Variants in MANEA observed in about 807,000 individuals in gnomAD.
MANEA encodes the protein mannosidase endo-alpha.
In MANEA, 25 loss-of-function variants were observed where a neutral mutation model predicts 36.8. The ratio of observed to expected loss-of-function variants is 0.68; its 90% CI spans 0.50 to 0.95. The LOEUF (loss-of-function observed/expected upper bound fraction) is 0.95. Ranked by LOEUF, MANEA falls within the 40% of genes least tolerant of loss-of-function variation. The pLI is 0.00. For missense variants in MANEA, 565 were observed against 558.8 expected (o/e 1.01, Z -0.11); for synonymous variants, 198 against 188.5 (o/e 1.05, Z -0.41).
At position 95,586,752 on chromosome 6, in the gene MANEA, G is replaced by A; in HGVS notation, c.313G>A (p.Val105Ile). 1 of 1,613,528 alleles carries A rather than the reference G, an allele frequency of 6.2e-7. No homozygotes were observed. Among genetic ancestry groups the A allele is most frequent in the Non-Finnish European group, 8.5e-7 (1 of 1,179,524 alleles). The part of the protein sequence containing the change: ...ELPPLNNYLH[V>I]FYYSWYGNPQ... ...ACCACCTCTGAACAATTATCTACAT[G>A]TATTTTATTACAGTTGGTATGGAAA... The change falls in exon 2 of 5, where the codon GTA becomes ATA. Residue 105 changes from valine (V) to isoleucine (I), a missense_variant. Physicochemically the swap from Val to Ile is conservative, Grantham distance 29. Coordinates refer to ENST00000358812, the MANE Select transcript of MANEA (RefSeq NM_024641.4).
chr6:95,587,252 A>G, intron 2 of MANEA: 2 of 393,258 alleles, frequency 5.1e-6, no homozygotes, highest in Non-Finnish European at 9.3e-6. Context: ...CAATTTTATT[A>G]AATTATGATT....
chr6:95,606,338 A>G lies in MANEA; in HGVS notation c.1322A>G (p.Lys441Arg). The change falls in exon 5 of 5, where the codon AAG becomes AGG. Residue 441 changes from lysine to arginine, a missense_variant. Physicochemically the swap from Lys to Arg is conservative, Grantham distance 26. Transcript: ENST00000358812. Reference sequence around the variant, plus strand: ...GGTCTTTACCTAGAACTGACTCGCAAGTGGTCTGAAAAATACAGTAAGGAA... The same window carrying G: ...GGTCTTTACCTAGAACTGACTCGCAGGTGGTCTGAAAAATACAGTAAGGAA... ...KPGLYLELTR[K>R]WSEKYSKERA... The G allele has an allele frequency of 6.2e-7, 1 of 1,608,724 alleles. No homozygotes were observed.
intron 1 of MANEA, among the ~76,000 whole-genome samples, chr6:95,585,460 C>A (rs1199481549): frequency 1.3e-5 from 2 of 152,140 alleles, no homozygotes; most frequent in Non-Finnish European, 2.9e-5. Flanking sequence ...TACAGGCACA[C>A]ACCACCATGC....
rs1769768387 is a variant in MANEA, at chr6:95,608,910, T to A, written c.*2505T>A. 6.6e-6 allele frequency: 1 copy of A among 151,870 alleles called. No individual in the cohort carries two copies. The highest frequency in any genetic ancestry group is 1.5e-5 in the Non-Finnish European group (1 of 67,790). The allele number at this position is 151,870 out of a possible 1,614,324, so 9.4% of individuals were successfully genotyped here. On this transcript the variant is annotated 3_prime_UTR_variant, in exon 5 of 5. Coordinates refer to ENST00000358812, the MANE Select transcript of MANEA (RefSeq NM_024641.4). ...TAATTACATGAAAAAAAAGAGTCTG[T>A]ACATCTTCAGAGTTTCAGTCGGCAA...
chr6:95,597,280 G>C (rs913412232), intron 3 of MANEA, among the ~76,000 whole-genome samples: 4 of 151,956 alleles, frequency 2.6e-5, no homozygotes, highest in Non-Finnish European at 5.9e-5. Context: ...ATACACACCT[G>C]AGTAAATATA....
chr6:95,582,530 T>C (rs1335245711), intron 1 of MANEA, among the ~76,000 whole-genome samples: 1 of 152,172 alleles, frequency 6.6e-6, no homozygotes, highest in Non-Finnish European at 1.5e-5. Context: ...AGCTCACATG[T>C]AGAAATTTCA....
chr6:95,589,254 T>C (rs1298256454), intron 2 of MANEA, among the ~76,000 whole-genome samples: 1 of 152,164 alleles, frequency 6.6e-6, no homozygotes, highest in Non-Finnish European at 1.5e-5. Context: ...GCTGGCATGC[T>C]GACTCAGGCA....
At chr6:95,599,587 A>C (rs1417497269) in intron 3 of MANEA, among the ~76,000 whole-genome samples, 2 of 152,202 alleles carry the variant, frequency 1.3e-5, no homozygotes, top group Non-Finnish European at 2.9e-5. Flanking sequence ...CCTGTAAGAT[A>C]TGTTATGGAC....
chr6:95,590,937 T>C (rs1431038832), intron 2 of MANEA, among the ~76,000 whole-genome samples: 2 of 152,208 alleles, frequency 1.3e-5, no homozygotes, highest in African/African-American at 2.4e-5. Context: ...CTGCCTAATA[T>C]ATATTTTTGA....
At chr6:95,601,810 G>A (rs1769599423) in intron 3 of MANEA, among the ~76,000 whole-genome samples, 1 of 123,664 alleles carries the variant, frequency 8.1e-6, no homozygotes, top group Non-Finnish European at 1.6e-5. Flanking sequence ...AATAAATTTA[G>A]TATGTTATTT....
chr6:95,597,189 AT>A (rs1237012985), intron 3 of MANEA, among the ~76,000 whole-genome samples: 1 of 152,098 alleles, frequency 6.6e-6, no homozygotes, highest in African/African-American at 2.4e-5. Flanking sequence ...TTGCATATTT[AT>A]AAAGTAGTTA....
intron 1 of MANEA, among the ~76,000 whole-genome samples, chr6:95,583,366 A>C (rs1007215522): frequency 6.6e-6 from 1 of 152,082 alleles, no homozygotes; most frequent in African/African-American, 2.4e-5. Context: ...TATATATGAC[A>C]TGTATCCATA....
rs1304741117 is a variant in MANEA at position 95,605,853 on chromosome 6, C to T, written c.837C>T (p.Ala279=). Residue 279 remains alanine, a synonymous_variant, in exon 5 of 5, where the codon GCC becomes GCT. Coordinates refer to ENST00000358812, the MANE Select transcript of MANEA (RefSeq NM_024641.4). ...DSYITKPEKW[A]NLLTTSGSRS... is the part of the protein sequence containing the mutation. ...ATATTACCAAGCCTGAAAAATGGGC[C>T]AATCTGTTAACCACCTCAGGGTCTC... 3 of 1,613,728 alleles carry T rather than the reference C, an allele frequency of 1.9e-6. No homozygotes were observed. The African/African-American group carries it at 4.0e-5, about 22-fold the overall frequency.
chr6:95,594,055 C>G (rs568932538), intron 2 of MANEA, among the ~76,000 whole-genome samples: 2 of 150,310 alleles, frequency 1.3e-5, no homozygotes, highest in Non-Finnish European at 3.0e-5. Context: ...AGCAAGATTC[C>G]GTCTCAAAAA....
In MANEA at chr6:95,586,507, T is replaced by A. The variant is rs1458705132; in HGVS notation, c.68T>A (p.Met23Lys). The A allele has an allele frequency of 6.2e-7, 1 of 1,614,002 alleles. No homozygotes were observed. Among genetic ancestry groups the A allele is most frequent in the East Asian group, 2.2e-5 (1 of 44,848 alleles). The change falls in exon 2 of 5, where the codon ATG (methionine) becomes AAG (lysine). Residue 23 changes from methionine (M) to lysine (K), a missense_variant. Met to Lys is a moderately conservative substitution (Grantham distance 95, BLOSUM62 -1). Transcript: ENST00000358812. Reference protein sequence around the residue: ...ALFILFIFSLMMGLKMLRPNT... With the variant: ...ALFILFIFSLKMGLKMLRPNT... ...TTTATTCTATTTATTTTCTCTCTGA[T>A]GATGGGTTTAAAAATGCTGAGACCA...
intron 3 of MANEA, among the ~76,000 whole-genome samples, chr6:95,600,155 G>C (rs1323273325): frequency 6.6e-6 from 1 of 152,102 alleles, no homozygotes; most frequent in African/African-American, 2.4e-5. Context: ...GTGTGGCAAA[G>C]AGCTCGACCA....
At chr6:95,600,644 T>C (rs1011104552) in intron 3 of MANEA, among the ~76,000 whole-genome samples, 11 of 152,216 alleles carry the variant, frequency 7.2e-5, no homozygotes, top group Admixed American at 6.5e-4. Context: ...GGCAATCTGA[T>C]AGGAAAAGAT....
At chr6:95,590,472 T>C (rs1769367234) in intron 2 of MANEA, among the ~76,000 whole-genome samples, 1 of 152,220 alleles carries the variant, frequency 6.6e-6, no homozygotes, top group African/African-American at 2.4e-5. Flanking sequence ...ATGACATATT[T>C]GTTTTAGTAA....
In MANEA at chr6:95,590,623, ATAAC is replaced by A. The variant is rs376434616; in HGVS notation, c.544+3643_544+3646del. Among the ~76,000 whole-genome samples, 33 of 152,324 alleles carry A rather than the reference ATAAC, an allele frequency of 2.2e-4. No individual in the cohort carries two copies. In the East Asian group the frequency reaches 5.4e-3, roughly 25 times the overall value. ...TGATGTCATAAAATTTCCTTTTATA[ATAAC>A]TATTTGCATTAAGTTTAAAGGTTAT... On this transcript the variant is annotated intron_variant, in intron 2 of 4. Coordinates refer to ENST00000358812, the MANE Select transcript of MANEA (RefSeq NM_024641.4).
Sources: allele counts gnomAD v4.1 joint callset (sites outside exome capture counted in the v4.1 genomes callset), GRCh38; gene constraint gnomAD v4.1.1; transcripts MANE v1.5; gene names NCBI Gene and HGNC (gene_info 2026-07-23, HGNC 2026-07-21).